Variants in TTL observed in about 807,000 individuals in gnomAD.
TTL encodes the protein tubulin tyrosine ligase, also known as tubulin--tyrosine ligase.
Under a neutral mutation model 41.1 loss-of-function variants are expected in TTL, and 10 were observed. The observed-to-expected ratio is 0.24, with a 90% confidence interval of 0.15 to 0.41. The LOEUF (loss-of-function observed/expected upper bound fraction) is 0.41, where lower values mean the gene tolerates loss of function less well. TTL is among the 10% of genes least tolerant of loss of function. The probability of loss-of-function intolerance (pLI) is 1.00; values close to 1 mark genes in which losing one functional copy is unlikely to be tolerated. For missense variants in TTL, 367 were observed against 460.4 expected (o/e 0.80, Z 1.86); for synonymous variants, 175 against 175.5 (o/e 1.00, Z 0.02).
chr2:112,495,306 T>G (rs986860327), intron 3 of TTL, among the ~76,000 whole-genome samples: 6 of 152,188 alleles, frequency 3.9e-5, no homozygotes, highest in Admixed American at 1.3e-4. Context: ...GACATTAACC[T>G]TTTCCTGGCA....
At chr2:112,514,844 A>T (rs1197415038) in intron 5 of TTL, among the ~76,000 whole-genome samples, 1 of 152,114 alleles carries the variant, frequency 6.6e-6, no homozygotes, top group Non-Finnish European at 1.5e-5. Context: ...CATGATTGTT[A>T]ATGCTTTTCA....
intron 5 of TTL, among the ~76,000 whole-genome samples, chr2:112,517,526 G>A (rs1024611478): frequency 3.3e-5 from 5 of 151,222 alleles, no homozygotes; most frequent in Admixed American, 3.3e-4. Context: ...TGGGATTACG[G>A]GCATGAGCCA....
At chr2:112,520,615 G>GTA (rs112395835) in intron 6 of TTL, 190 bp downstream of exon 6, 1 of 260,882 alleles carries the variant, frequency 3.8e-6, no homozygotes, top group Non-Finnish European at 5.7e-6. Context: ...CCCGTGTATA[G>GTA]GCCAGATAGG....
rs1024771881 is a variant in TTL at position 112,537,204 on chromosome 2, C to T, written c.*8409C>T. 4 of 152,774 alleles carry T rather than the reference C, an allele frequency of 2.6e-5. No individual in the cohort carries two copies. Among genetic ancestry groups the T allele is most frequent in the African/African-American group, 9.6e-5 (4 of 41,484 alleles). 9.5% of individuals were successfully genotyped at this position (152,774 alleles called of 1,614,324 possible). The stretch of plus-strand genomic sequence containing the variant: ...TAAGCGATTCTCCTGCCTCAGCCTC[C>T]CAAGTAGCTGGGACTACAGGCGTGT... On this transcript the variant is annotated 3_prime_UTR_variant, in exon 7 of 7. Transcript: ENST00000233336.
intron 3 of TTL, among the ~76,000 whole-genome samples, chr2:112,500,700 C>T (rs532466025): frequency 2.4e-4 from 36 of 152,400 alleles, no homozygotes; most frequent in African/African-American, 8.7e-4. Flanking sequence ...AATTATACTT[C>T]AAGCTATTAA....
chr2:112,511,449 A>G (rs906360815), intron 5 of TTL, among the ~76,000 whole-genome samples: 4 of 151,896 alleles, frequency 2.6e-5, no homozygotes, highest in African/African-American at 9.7e-5. Context: ...TTTCAATTTT[A>G]TCTGTTTTTG....
In TTL at chr2:112,531,092, G is replaced by A. The variant is rs908860691; in HGVS notation, c.*2297G>A. ...ATTTCTGGGCTTGAGCAGTCCTCCC[G>A]TCTCAGCCTCCTGAGTAGCTGAGAC... On this transcript the variant is annotated 3_prime_UTR_variant, in exon 7 of 7. Transcript: ENST00000233336. 1.9e-5 allele frequency: 4 copies of A among 209,216 alleles called. No homozygotes were observed. The highest frequency in any genetic ancestry group is 4.6e-5 in the African/African-American group (2 of 43,910). 13.0% of individuals were successfully genotyped at this position (209,216 alleles called of 1,614,324 possible).
chr2:112,490,014 A>C (rs1214099354), intron 2 of TTL, among the ~76,000 whole-genome samples: 1 of 152,214 alleles, frequency 6.6e-6, no homozygotes, highest in Non-Finnish European at 1.5e-5. Context: ...CAGAGAACAC[A>C]GTATCATTAA....
At chr2:112,523,337 GGTGTGTGTGTGTCTGTGT>G (rs1405765329) in intron 6 of TTL, among the ~76,000 whole-genome samples, 4 of 93,350 alleles carry the variant, frequency 4.3e-5, no homozygotes, top group African/African-American at 1.7e-4. Context: ...ACTGTCTGTG[GGTGTGTGTGTGTCTGTGT>G]GTGTGTGTGT....
chr2:112,509,246 C>T (rs940589523), intron 5 of TTL, among the ~76,000 whole-genome samples: 12 of 145,504 alleles, frequency 8.2e-5, no homozygotes, highest in Non-Finnish European at 1.5e-4. Context: ...CTTAAGTCTG[C>T]AGAGGTTACT....
intron 5 of TTL, among the ~76,000 whole-genome samples, chr2:112,515,569 A>G (rs1041897603): frequency 1.3e-5 from 2 of 152,206 alleles, no homozygotes; most frequent in African/African-American, 4.8e-5. Context: ...TCAGTTATGC[A>G]TGTACTCACC....
chr2:112,509,127 G>GGGGGTCA (rs1261982905), intron 5 of TTL, among the ~76,000 whole-genome samples: 3 of 133,428 alleles, frequency 2.2e-5, no homozygotes, highest in African/African-American at 8.8e-5. Flanking sequence ...TAGGCTGCTC[G>GGGGGTCA]GGGGTCAGGG....
At position 112,529,114 on chromosome 2, in the gene TTL, C is replaced by T; in HGVS notation, c.*319C>T. On this transcript the variant is annotated 3_prime_UTR_variant, in exon 7 of 7. Transcript: ENST00000233336. ...ACTGGGACCTCTGGTCGGTGCCTCC[C>T]ACCCACTGCAGCCCTAGTGCCTTAG... is the stretch of plus-strand genomic sequence containing the variant. 2.3e-6 allele frequency: 1 copy of T among 435,036 alleles called. No individual in the cohort carries two copies. The highest frequency in any genetic ancestry group is 2.7e-5 in the South Asian group (1 of 36,616). 26.9% of individuals were successfully genotyped at this position (435,036 alleles called of 1,614,324 possible). A position where few individuals can be genotyped will look rare whatever the true frequency, so the allele number is the denominator to read the frequency against.
intron 5 of TTL, among the ~76,000 whole-genome samples, chr2:112,509,696 T>A (rs953538907): frequency 1.3e-5 from 2 of 152,330 alleles, no homozygotes; most frequent in Non-Finnish European, 2.9e-5. Flanking sequence ...GCACACACAC[T>A]GGCCTGCGCC....
rs1387049885 is a variant in TTL at position 112,535,072 on chromosome 2, AAG to A, written c.*6279_*6280del. The stretch of plus-strand genomic sequence containing the variant: ...GAAAGATTGAGAAAGAAAAAAGAGA[AAG>A]AAGAAAGAAAAGAAAAAAGGAAAGA... On this transcript the variant is annotated 3_prime_UTR_variant, in exon 7 of 7. Transcript: ENST00000233336. 1 of 151,996 alleles carries A rather than the reference AAG, an allele frequency of 6.6e-6. No homozygotes were observed. The highest frequency in any genetic ancestry group is 1.5e-5 in the Non-Finnish European group (1 of 67,984). 9.4% of individuals were successfully genotyped at this position (151,996 alleles called of 1,614,324 possible). A position where few individuals can be genotyped will look rare whatever the true frequency, so the allele number is the denominator to read the frequency against.
At position 112,515,234 on chromosome 2, in the gene TTL, A is replaced by G. The variant is rs995981024; in HGVS notation, c.876-5048A>G. 8.5e-5 allele frequency among the ~76,000 whole-genome samples: 13 copies of G among 152,190 alleles called. No individual in the cohort carries two copies. The East Asian group carries it at 2.1e-3, about 25-fold the overall frequency. ...AGTATGCCCTGTGTATGGGCTGCAT[A>G]TGGCCTGTAGCTTGTTTTTGTAAGG... is the stretch of plus-strand genomic sequence containing the variant. On this transcript the variant is annotated intron_variant, in intron 5 of 6. Coordinates refer to ENST00000233336, the MANE Select transcript of TTL (RefSeq NM_153712.5).
chr2:112,527,672 T>C (rs1682402355), intron 6 of TTL, among the ~76,000 whole-genome samples: 1 of 152,222 alleles, frequency 6.6e-6, no homozygotes, highest in African/African-American at 2.4e-5. Context: ...TGGTAGATCT[T>C]CTTCCATCCC....
chr2:112,526,036 G>T lies in TTL; in HGVS notation c.1020-2645G>T, dbSNP rs546249672. Among the ~76,000 whole-genome samples the T allele has an allele frequency of 2.6e-3, 389 of 152,326 alleles. 1 individual carries two copies. Among genetic ancestry groups the T allele is most frequent in the African/African-American group, 9.0e-3 (375 of 41,574 alleles). On this transcript the variant is annotated intron_variant, in intron 6 of 6. Coordinates refer to ENST00000233336, the MANE Select transcript of TTL (RefSeq NM_153712.5). ...GTCAAAGGCCTTTTCTGCATCTATT[G>T]AGATAATCATGTGGTTTTTGTCTTT...
At chr2:112,520,179 G>A (rs1278945106) in intron 5 of TTL, 103 bp from the exon 6 acceptor site, 9 of 1,034,558 alleles carry the variant, frequency 8.7e-6, no homozygotes, top group Middle Eastern at 2.2e-4. Flanking sequence ...CTGATAAGCT[G>A]ATATTTGTAT....
Sources: allele counts gnomAD v4.1 joint callset (sites outside exome capture counted in the v4.1 genomes callset), GRCh38; gene constraint gnomAD v4.1.1; transcripts MANE v1.5; gene names NCBI Gene and HGNC (gene_info 2026-07-23, HGNC 2026-07-21).